The following SLIT3 variants were observed in gnomAD, a reference collection of about 807,000 sequenced individuals.
The protein encoded by SLIT3 is slit guidance ligand 3, also known as slit homolog 3 protein.
Under a neutral mutation model 184.0 loss-of-function variants are expected in SLIT3, and 68 were observed. The observed-to-expected ratio is 0.37, with a 90% CI of 0.30 to 0.45. SLIT3 has a LOEUF of 0.45. SLIT3 is among the 20% of genes least tolerant of loss of function. The pLI, the probability that SLIT3 is intolerant of heterozygous loss-of-function variation, is 1.00. For missense variants in SLIT3, 1,707 were observed against 2,026.0 expected, an observed-to-expected ratio of 0.84 and a Z score of 3.02; for synonymous variants, 831 against 828.6, an observed-to-expected ratio of 1.00 and a Z score of -0.05.
At chr5:168,758,518 T>C (rs745520026) in intron 16 of SLIT3, among the ~76,000 whole-genome samples, 6 of 152,348 alleles carry the variant, frequency 3.9e-5, no homozygotes, top group East Asian at 1.9e-4. Flanking sequence ...TGGTAGGTGA[T>C]GGGTGATGTT....
At chr5:168,976,951 T>A (rs1250203295) in intron 4 of SLIT3, among the ~76,000 whole-genome samples, 1 of 151,686 alleles carries the variant, frequency 6.6e-6, no homozygotes, top group East Asian at 1.9e-4. Flanking sequence ...ACCAGGGAGG[T>A]AATTACACAG....
At chr5:168,720,865 G>T (rs1434314945) in intron 23 of SLIT3, 1 of 152,120 alleles carries the variant, frequency 6.6e-6, no homozygotes, top group Non-Finnish European at 1.5e-5. Flanking sequence ...AATCACATCA[G>T]CCTGGAGGCT....
intron 32 of SLIT3, among the ~76,000 whole-genome samples, chr5:168,676,158 C>T (rs1276449753): frequency 7.1e-6 from 1 of 140,494 alleles, no homozygotes; most frequent in African/African-American, 2.7e-5. Flanking sequence ...TATTTATCTA[C>T]TCTCTTCCAT....
chr5:169,216,012 C>T (rs545855265), intron 3 of SLIT3, among the ~76,000 whole-genome samples: 1 of 152,308 alleles, frequency 6.6e-6, no homozygotes, highest in Admixed American at 6.5e-5. Flanking sequence ...CCCTAATTTA[C>T]ATAGGAAGAA....
At chr5:168,875,995 A>G (rs1759716733) in intron 5 of SLIT3, among the ~76,000 whole-genome samples, 1 of 152,132 alleles carries the variant, frequency 6.6e-6, no homozygotes, top group South Asian at 2.1e-4. Context: ...ATAAATCTGC[A>G]TGGCCTTGCC....
At chr5:169,246,921 CAAAAAA>C (rs34365189) in intron 2 of SLIT3, among the ~76,000 whole-genome samples, 2 of 25,604 alleles carry the variant, frequency 7.8e-5, no homozygotes, top group African/African-American at 1.7e-4. Flanking sequence ...GACTCTGTCT[CAAAAAA>C]AAAAAAAAAA....
intron 16 of SLIT3, among the ~76,000 whole-genome samples, chr5:168,755,889 C>A (rs1022746163): frequency 7.9e-5 from 12 of 152,188 alleles, no homozygotes; most frequent in African/African-American, 2.9e-4. Context: ...TTCTCCCTGG[C>A]AGGGTTGCTG....
chr5:169,298,413 G>A (rs2113669253), intron 1 of SLIT3, among the ~76,000 whole-genome samples: 1 of 152,214 alleles, frequency 6.6e-6, no homozygotes. Context: ...TGCTGGCATG[G>A]GTGCGGTTCC....
Position 168,711,067 on chromosome 5 carries a change from C to T in SLIT3, c.2556-9G>A, listed in dbSNP as rs751725790. The T allele has an allele frequency of 3.8e-6, 6 of 1,560,722 alleles. No individual in the cohort carries two copies. The highest frequency in any genetic ancestry group is 4.3e-6 in the Non-Finnish European group (5 of 1,149,644). On this transcript the variant is annotated splice_polypyrimidine_tract_variant and intron_variant, in intron 24 of 35. Coordinates refer to ENST00000519560, the MANE Select transcript of SLIT3 (RefSeq NM_003062.4). ...GGTTGGTTCCCAGCGCCCTAGGAGGCAGAACAGGAAGTCAGGGCCCCCTGC... is the reference window on the plus strand; with the variant it reads ...GGTTGGTTCCCAGCGCCCTAGGAGGTAGAACAGGAAGTCAGGGCCCCCTGC...
chr5:169,272,853 C>G (rs77682755), intron 1 of SLIT3, among the ~76,000 whole-genome samples: 1 of 152,162 alleles, frequency 6.6e-6, no homozygotes, highest in Non-Finnish European at 1.5e-5. Flanking sequence ...TGAGTGCACA[C>G]GCGCAAGCAC....
At chr5:168,995,672 C>T (rs530612692) in intron 4 of SLIT3, 11 of 152,312 alleles carry the variant, frequency 7.2e-5, no homozygotes, top group South Asian at 4.2e-4. Flanking sequence ...ATTGGTCAGA[C>T]GAAAACAGTT....
At chr5:168,802,408 T>C (rs1346530628) in intron 9 of SLIT3, among the ~76,000 whole-genome samples, 2 of 152,150 alleles carry the variant, frequency 1.3e-5, no homozygotes, top group Non-Finnish European at 2.9e-5. Context: ...TATCCAGCCA[T>C]AGAAACTTGC....
At chr5:169,049,960 T>C (rs2113056534) in intron 4 of SLIT3, among the ~76,000 whole-genome samples, 2 of 152,304 alleles carry the variant, frequency 1.3e-5, no homozygotes. Flanking sequence ...ACTTGGACAC[T>C]GGTTTCTGGG....
At chr5:169,001,479 CT>C (rs1312584265) in intron 4 of SLIT3, among the ~76,000 whole-genome samples, 8 of 152,016 alleles carry the variant, frequency 5.3e-5, no homozygotes, top group South Asian at 2.1e-4. Flanking sequence ...CGGGTCACGT[CT>C]TTTTTTTCCC....
chr5:169,034,566 C>T (rs1440722674), intron 4 of SLIT3, among the ~76,000 whole-genome samples: 1 of 152,054 alleles, frequency 6.6e-6, no homozygotes, highest in Admixed American at 6.6e-5. Context: ...ACTAGTAAAC[C>T]ATTTATATTC....
At chr5:168,758,617 C>G (rs866407365) in intron 16 of SLIT3, among the ~76,000 whole-genome samples, 7 of 152,198 alleles carry the variant, frequency 4.6e-5, no homozygotes, top group African/African-American at 1.4e-4. Flanking sequence ...AGCTGGCCCC[C>G]CAACGTGCTC....
chr5:168,987,012 C>T (rs752226292), intron 4 of SLIT3, among the ~76,000 whole-genome samples: 13 of 152,228 alleles, frequency 8.5e-5, no homozygotes, highest in Non-Finnish European at 1.6e-4. Context: ...CATGCCACTG[C>T]ACTCCAGCCT....
chr5:168,771,839 C>T (rs1477264508), intron 14 of SLIT3, among the ~76,000 whole-genome samples: 2 of 152,178 alleles, frequency 1.3e-5, no homozygotes, highest in Non-Finnish European at 2.9e-5. Flanking sequence ...GCATTCTCCC[C>T]GGGAAGACTC....
At chr5:168,761,070 T>A in intron 15 of SLIT3, 134 bp from the exon 16 acceptor site, 1 of 684,588 alleles carries the variant, frequency 1.5e-6, no homozygotes, top group Non-Finnish European at 2.6e-6. Context: ...AGCTTTGACA[T>A]CAGTCCCATC....
Sources: gnomAD v4.1 joint callset for allele counts (sites outside exome capture counted in the v4.1 genomes callset) on GRCh38, gnomAD v4.1.1 for gene constraint, MANE v1.5 for transcripts, NCBI Gene and HGNC (gene_info 2026-07-23, HGNC 2026-07-21) for gene names.